CDADC1: variants seen among roughly 807,000 people sequenced by gnomAD.
The protein encoded by CDADC1 is dCTP deaminase.
A neutral mutation model predicts 54.9 loss-of-function variants in CDADC1; 39 were observed. That is an observed-to-expected ratio of 0.71 (90% CI 0.55 to 0.93). The LOEUF is 0.93. Ranked by LOEUF, CDADC1 falls within the 40% of genes least tolerant of loss-of-function variation. The pLI, the probability that CDADC1 is intolerant of heterozygous loss-of-function variation, is 0.00. For synonymous variants in CDADC1, 186 were observed against 204.0 expected (o/e 0.91, Z 0.75); for missense variants, 518 against 618.8 (o/e 0.84, Z 1.73).
intron 9 of CDADC1, among the ~76,000 whole-genome samples, chr13:49,291,236 G>A (rs1309918294): frequency 6.7e-6 from 1 of 148,350 alleles, no homozygotes; most frequent in Non-Finnish European, 1.5e-5. Context: ...GCACAGTCAT[G>A]GCTCACTGCA....
chr13:49,281,969 A>G (rs1953353498), intron 8 of CDADC1, among the ~76,000 whole-genome samples: 1 of 110,868 alleles, frequency 9.0e-6, no homozygotes, highest in African/African-American at 3.6e-5. Context: ...GCACGCCACC[A>G]TGCCCAGCTA....
chr13:49,248,652 A>G (rs565514547), intron 1 of CDADC1, among the ~76,000 whole-genome samples: 1 of 152,184 alleles, frequency 6.6e-6, no homozygotes, highest in South Asian at 2.1e-4. Flanking sequence ...TGAGGGCTGG[A>G]GAAAGAAGGC....
intron 9 of CDADC1, among the ~76,000 whole-genome samples, chr13:49,287,455 C>G (rs900469994): frequency 6.6e-6 from 1 of 150,774 alleles, no homozygotes; most frequent in African/African-American, 2.5e-5. Flanking sequence ...AATTTATTAG[C>G]AAAAAAGGCT....
intron 4 of CDADC1, among the ~76,000 whole-genome samples, chr13:49,264,821 A>T (rs1010452636): frequency 1.3e-5 from 2 of 152,148 alleles, no homozygotes; most frequent in African/African-American, 4.8e-5. Context: ...TGTGCCAGCT[A>T]CTGTAATAAG....
intron 9 of CDADC1, among the ~76,000 whole-genome samples, chr13:49,287,934 C>G (rs922498847): frequency 6.6e-6 from 1 of 150,528 alleles, no homozygotes; most frequent in East Asian, 2.0e-4. Flanking sequence ...GCTTGTACCA[C>G]TCTACTCCAA....
chr13:49,274,434 C>T (rs764664320), intron 6 of CDADC1, 94 bp downstream of exon 6: 49 of 892,860 alleles, frequency 5.5e-5, no homozygotes, highest in Middle Eastern at 6.1e-4. Flanking sequence ...ACTGCCAAGG[C>T]GGGCAGATCA....
At chr13:49,251,707 G>A (rs1435314803) in intron 2 of CDADC1, among the ~76,000 whole-genome samples, 3 of 152,090 alleles carry the variant, frequency 2.0e-5, no homozygotes, top group African/African-American at 7.2e-5. Flanking sequence ...AGAGAAAGCT[G>A]TGGATCTGAG....
At chr13:49,272,662 T>TC (rs1296417131) in intron 5 of CDADC1, among the ~76,000 whole-genome samples, 1 of 150,212 alleles carries the variant, frequency 6.7e-6, no homozygotes, top group African/African-American at 2.4e-5. Context: ...TTTTTCTTTT[T>TC]TTTTTTTTTT....
intron 9 of CDADC1, among the ~76,000 whole-genome samples, chr13:49,288,313 TATATG>T (rs1953583971): frequency 6.6e-6 from 1 of 152,230 alleles, no homozygotes; most frequent in African/African-American, 2.4e-5. Flanking sequence ...CCTTTTTAAT[TATATG>T]ATAGTTTTAC....
chr13:49,267,679 C>G lies in CDADC1; in HGVS notation c.620C>G (p.Ser207Cys). 6.2e-7 allele frequency: 1 copy of G among 1,613,422 alleles called. No homozygotes were observed. The highest frequency in any genetic ancestry group is 1.3e-5 in the African/African-American group (1 of 74,994). Residue 207 changes from serine (S) to cysteine (C), a missense_variant, in exon 5 of 10, where the codon TCT becomes TGT. Coordinates refer to ENST00000251108, the MANE Select transcript of CDADC1 (RefSeq NM_030911.4). Reference sequence around the variant, plus strand: ...ATGGTGCAGTTTGTAGAGGAGACCTCTTACAAATGTGACTTTATTCAAAAA... The same window carrying G: ...ATGGTGCAGTTTGTAGAGGAGACCTGTTACAAATGTGACTTTATTCAAAAA... The part of the protein sequence containing the change: ...CYMVQFVEET[S>C]YKCDFIQKIT...
At chr13:49,281,125 C>T (rs1448904446) in intron 8 of CDADC1, among the ~76,000 whole-genome samples, 4 of 152,214 alleles carry the variant, frequency 2.6e-5, no homozygotes, top group Middle Eastern at 6.8e-3. Context: ...TAAGCCACCG[C>T]GCCCGGCCGA....
intron 2 of CDADC1, among the ~76,000 whole-genome samples, chr13:49,251,041 TTTTTGTTTTG>T (rs903808067): frequency 6.6e-6 from 1 of 152,194 alleles, no homozygotes; most frequent in Non-Finnish European, 1.5e-5. Flanking sequence ...TGTTGTGTTT[TTTTTGTTTTG>T]TTTTGTTTTG....
intron 1 of CDADC1, among the ~76,000 whole-genome samples, chr13:49,248,656 A>G (rs1290225902): frequency 1.3e-5 from 2 of 152,210 alleles, no homozygotes; most frequent in Non-Finnish European, 2.9e-5. Flanking sequence ...GGCTGGAGAA[A>G]GAAGGCTCAA....
rs528612398 is a variant in CDADC1, at chr13:49,292,471, C to A, written c.*714C>A. 1 of 1,032,364 alleles carries A rather than the reference C, an allele frequency of 9.7e-7. No homozygotes were observed. Among genetic ancestry groups the A allele is most frequent in the African/African-American group, 1.7e-5 (1 of 58,328 alleles). 64.0% of individuals were successfully genotyped at this position (1,032,364 alleles called of 1,614,324 possible). On this transcript the variant is annotated 3_prime_UTR_variant, in exon 10 of 10. Coordinates refer to ENST00000251108, the MANE Select transcript of CDADC1 (RefSeq NM_030911.4). The stretch of plus-strand genomic sequence containing the variant: ...ACCTCAAATTTGGTTATGATGTTAA[C>A]AGAGAAGAAATATTTGAGTCTGGAA...
At chr13:49,274,415 A>C in intron 6 of CDADC1, 75 bp downstream of exon 6, 1 of 1,195,142 alleles carries the variant, frequency 8.4e-7, no homozygotes, top group Non-Finnish European at 1.2e-6. Context: ...GGTGCATTAC[A>C]GGTTACTGAC....
At chr13:49,250,199 A>T (rs1032506323) in intron 2 of CDADC1, among the ~76,000 whole-genome samples, 1 of 152,188 alleles carries the variant, frequency 6.6e-6, no homozygotes, top group Non-Finnish European at 1.5e-5. Context: ...AATTCTGCTG[A>T]AAGGTTGCTT....
chr13:49,265,310 A>T (rs1441895660), intron 4 of CDADC1, among the ~76,000 whole-genome samples: 1 of 152,222 alleles, frequency 6.6e-6, no homozygotes, highest in Non-Finnish European at 1.5e-5. Flanking sequence ...ATTAGAATGG[A>T]ATTTACAGAG....
chr13:49,290,004 C>G (rs948479754), intron 9 of CDADC1, among the ~76,000 whole-genome samples: 4 of 152,124 alleles, frequency 2.6e-5, no homozygotes, highest in African/African-American at 4.8e-5. Context: ...TGAGATCACA[C>G]CACTGCACTC....
rs143874568 is a variant in CDADC1 at position 49,276,887 on chromosome 13, A to G, written c.1051-1463A>G. On this transcript the variant is annotated intron_variant, in intron 6 of 9. Coordinates refer to ENST00000251108, the MANE Select transcript of CDADC1 (RefSeq NM_030911.4). ...GGTTGGAACTCTCATTTGTGTGTAC[A>G]TGAATGCTCAGCAGACTTTTGGCTT... Among the ~76,000 whole-genome samples, 804 of 152,322 alleles carry G rather than the reference A, an allele frequency of 5.3e-3. 3 individuals are homozygous for G. Among genetic ancestry groups the G allele is most frequent in the Non-Finnish European group, 7.9e-3 (535 of 68,030 alleles).
Sources: allele counts gnomAD v4.1 joint callset (sites outside exome capture counted in the v4.1 genomes callset), GRCh38; gene constraint gnomAD v4.1.1; transcripts MANE v1.5; gene names NCBI Gene and HGNC (gene_info 2026-07-23, HGNC 2026-07-21).